WLS: variants seen among roughly 807,000 people sequenced by gnomAD.
The protein encoded by WLS is protein wntless homolog.
WLS carries 23 observed loss-of-function variants against 62.8 expected under a neutral mutation model. The ratio of observed to expected loss-of-function variants is 0.37; its 90% CI spans 0.26 to 0.52. WLS has a LOEUF of 0.52. WLS is among the 20% of genes least tolerant of loss of function. The pLI, the probability that WLS is intolerant of heterozygous loss-of-function variation, is 0.92. For missense variants in WLS, 615 were observed against 697.3 expected (o/e 0.88, Z 1.33); for synonymous variants, 246 against 244.1 (o/e 1.01, Z -0.07).
intron 1 of WLS, among the ~76,000 whole-genome samples, chr1:68,210,948 G>C (rs1444600275): frequency 1.3e-5 from 2 of 152,112 alleles, no homozygotes; most frequent in Non-Finnish European, 2.9e-5. Context: ...GCTTTCTGCT[G>C]TCTTCCAACC....
At chr1:68,156,066 C>CT (rs1048659046) in intron 3 of WLS, among the ~76,000 whole-genome samples, 23 of 151,990 alleles carry the variant, frequency 1.5e-4, no homozygotes, top group Non-Finnish European at 2.5e-4. Context: ...AGGGAGACAC[C>CT]TTTTTTTTGA....
intron 2 of WLS, among the ~76,000 whole-genome samples, chr1:68,192,086 C>A (rs905119210): frequency 6.6e-6 from 1 of 152,180 alleles, no homozygotes; most frequent in African/African-American, 2.4e-5. Flanking sequence ...TAAAGGACAG[C>A]ATATTCAGCT....
At chr1:68,121,831 C>A (rs976793545), downstream of WLS, among the ~76,000 whole-genome samples, 2 of 152,172 alleles carry the variant, frequency 1.3e-5, no homozygotes, top group Non-Finnish European at 2.9e-5. Flanking sequence ...CCGACTCTTC[C>A]TGATTGAATT....
Position 68,106,945 on chromosome 1 carries a change from A to T in WLS, c.1511-8192T>A, listed in dbSNP as rs111760086. Reference sequence around the variant, plus strand: ...CTAAATGTATACCTTACTGAAACCAACTAAGTCGGTATGCATTTGAACGTG... The same window carrying T: ...CTAAATGTATACCTTACTGAAACCATCTAAGTCGGTATGCATTTGAACGTG... On this transcript the variant is annotated intron_variant, in intron 11 of 11. Coordinates refer to the WLS transcript ENST00000354777. Among the ~76,000 whole-genome samples the T allele has an allele frequency of 9.6e-4, 146 of 152,254 alleles. 1 individual carries two copies. Among genetic ancestry groups the T allele is most frequent in the African/African-American group, 3.4e-3 (141 of 41,550 alleles).
At chr1:68,131,762 C>CATTA (rs1646529040) in intron 11 of WLS, among the ~76,000 whole-genome samples, 3 of 152,082 alleles carry the variant, frequency 2.0e-5, no homozygotes, top group Non-Finnish European at 4.4e-5. Context: ...AGAGATAGGG[C>CATTA]CTTCTTAAAG....
At chr1:68,164,164 C>T (rs138131916) in intron 2 of WLS, among the ~76,000 whole-genome samples, 3 of 152,104 alleles carry the variant, frequency 2.0e-5, no homozygotes, top group Non-Finnish European at 4.4e-5. Context: ...CCTGAAATTC[C>T]ACAAAATAAA....
intron 1 of WLS, among the ~76,000 whole-genome samples, chr1:68,214,760 A>G (rs1294357595): frequency 6.6e-6 from 1 of 152,248 alleles, no homozygotes; most frequent in African/African-American, 2.4e-5. Flanking sequence ...TAAATTAGTA[A>G]GATGATACTG....
intron 2 of WLS, chr1:68,162,027 G>C: frequency 6.3e-7 from 1 of 1,592,894 alleles, no homozygotes; most frequent in Non-Finnish European, 8.6e-7. Flanking sequence ...TGTTCACACA[G>C]TTTCTTAAGC....
intron 11 of WLS, among the ~76,000 whole-genome samples, chr1:68,118,210 ACT>A (rs1409676829): frequency 3.3e-5 from 5 of 152,320 alleles, no homozygotes; most frequent in Non-Finnish European, 2.9e-5. Flanking sequence ...ACTAAATCAG[ACT>A]CTCAAGAAAA....
In WLS at chr1:68,108,229, G is replaced by A. The variant is rs1400635675; in HGVS notation, c.1511-9476C>T. Among the ~76,000 whole-genome samples the A allele has an allele frequency of 2.6e-5, 4 of 152,100 alleles. No homozygotes were observed. In the East Asian group the frequency reaches 5.8e-4, roughly 22 times the overall value. On this transcript the variant is annotated intron_variant, in intron 11 of 11. Coordinates refer to the WLS transcript ENST00000354777. Reference sequence around the variant, plus strand: ...GGAAGACTGGAACTCTGGATGCCTGGTCCCAAATCATTTGAAATTTGAATA... The same window carrying A: ...GGAAGACTGGAACTCTGGATGCCTGATCCCAAATCATTTGAAATTTGAATA...
At chr1:68,225,383 A>G (rs1390118713) in intron 1 of WLS, among the ~76,000 whole-genome samples, 2 of 152,174 alleles carry the variant, frequency 1.3e-5, no homozygotes, top group Admixed American at 6.6e-5. Context: ...CCACATCCCC[A>G]TACGGGCACT....
At chr1:68,130,748 C>T (rs1395109685) in intron 11 of WLS, among the ~76,000 whole-genome samples, 1 of 152,156 alleles carries the variant, frequency 6.6e-6, no homozygotes, top group Non-Finnish European at 1.5e-5. Flanking sequence ...CAGTGGCTTA[C>T]ATCTGTAATC....
At chr1:68,116,923 A>C (rs1017418733) in intron 11 of WLS, among the ~76,000 whole-genome samples, 5 of 152,180 alleles carry the variant, frequency 3.3e-5, no homozygotes, top group Non-Finnish European at 7.4e-5. Flanking sequence ...GTCCCTCCTG[A>C]GCCAGTTAGG....
chr1:68,219,488 C>T (rs1054267240), intron 1 of WLS, among the ~76,000 whole-genome samples: 10 of 152,160 alleles, frequency 6.6e-5, no homozygotes, highest in Non-Finnish European at 4.4e-5. Flanking sequence ...AAAAACCCTC[C>T]TCCCATTTAA....
chr1:68,197,216 A>C (rs946817056), intron 1 of WLS, among the ~76,000 whole-genome samples: 3 of 152,138 alleles, frequency 2.0e-5, no homozygotes, highest in African/African-American at 7.2e-5. Context: ...TGAACACTTT[A>C]TGGTCACAAA....
At chr1:68,212,660 G>A (rs1041448621) in intron 1 of WLS, among the ~76,000 whole-genome samples, 2 of 152,074 alleles carry the variant, frequency 1.3e-5, no homozygotes, top group African/African-American at 2.4e-5. Flanking sequence ...TATTAATGAT[G>A]TTTTTATATA....
intron 11 of WLS, among the ~76,000 whole-genome samples, chr1:68,118,875 CAAAAAAAAA>C (rs33982774): frequency 1.9e-4 from 5 of 26,382 alleles, no homozygotes; most frequent in East Asian, 4.3e-3. Flanking sequence ...GACTCTGTCT[CAAAAAAAAA>C]AAAAAAAAAA....
chr1:68,194,022 A>G lies in WLS; in HGVS notation c.312T>C (p.Ser104=). 6.2e-7 allele frequency: 1 copy of G among 1,614,102 alleles called. No individual in the cohort carries two copies. The highest frequency in any genetic ancestry group is 8.5e-7 in the Non-Finnish European group (1 of 1,180,016). The change falls in exon 2 of 12, where the codon AGT becomes AGC. Residue 104 remains serine (S), a synonymous_variant. Transcript: ENST00000262348. The part of the protein sequence containing the change: ...VHIPLPHMEM[S]PWFQFMLFIL... Reference sequence around the variant, plus strand: ...TAAACAGCATGAATTGGAACCAAGGACTCATCTCCATGTGGGGGAGGGGAA... The same window carrying G: ...TAAACAGCATGAATTGGAACCAAGGGCTCATCTCCATGTGGGGGAGGGGAA...
intron 2 of WLS, among the ~76,000 whole-genome samples, chr1:68,169,401 A>G (rs1307742965): frequency 1.3e-5 from 2 of 152,230 alleles, no homozygotes; most frequent in African/African-American, 4.8e-5. Context: ...ATAGAAAAAA[A>G]CCATATCTAT....
Sources: allele counts gnomAD v4.1 joint callset (sites outside exome capture counted in the v4.1 genomes callset), GRCh38; gene constraint gnomAD v4.1.1; transcripts MANE v1.5; gene names NCBI Gene and HGNC (gene_info 2026-07-23, HGNC 2026-07-21).